Variants in AHR observed in about 807,000 individuals in gnomAD.
AHR encodes the protein AH-receptor.
Under a neutral mutation model 86.8 loss-of-function variants are expected in AHR, and 40 were observed. That is an observed-to-expected ratio of 0.46 (90% CI 0.36 to 0.60). The LOEUF (loss-of-function observed/expected upper bound fraction) is 0.60, where lower values mean the gene tolerates loss of function less well. AHR is among the 20% of genes least tolerant of loss of function. The probability of loss-of-function intolerance (pLI) is 0.00; values close to 1 mark genes in which losing one functional copy is unlikely to be tolerated. For missense variants in AHR, 1,001 were observed against 1,011.6 expected (o/e 0.99, Z 0.14); for synonymous variants, 398 against 354.9 (o/e 1.12, Z -1.37).
In AHR at chr7:17,344,536, T is replaced by C. The variant is rs1475810976; in HGVS notation, c.*1472T>C. 1.3e-5 allele frequency: 2 copies of C among 152,600 alleles called. No individual in the cohort carries two copies. The highest frequency in any genetic ancestry group is 2.4e-5 in the African/African-American group (1 of 41,412). The allele number at this position is 152,600 out of a possible 1,614,324, so 9.5% of individuals were successfully genotyped here. A position where few individuals can be genotyped will look rare whatever the true frequency, so the allele number is the denominator to read the frequency against. ...CAAACTTTAGGTTTTTTTAATGATA[T>C]ACTGATCTTCATTACCAATAGGCAA... On this transcript the variant is annotated 3_prime_UTR_variant, in exon 11 of 11. Transcript: ENST00000242057.
Position 17,337,636 on chromosome 7 carries a change from G to A in AHR, c.1161-1350G>A, listed in dbSNP as rs570860528. Among the ~76,000 whole-genome samples, 1,079 of 151,428 alleles carry A rather than the reference G, an allele frequency of 7.1e-3. 8 individuals are homozygous for A. The highest frequency in any genetic ancestry group is 0.011 in the African/African-American group (447 of 41,368). On this transcript the variant is annotated intron_variant, in intron 9 of 10. Transcript: ENST00000242057. Reference sequence around the variant, plus strand: ...ACTACAGGCGCCCGCCACTACGCCCGGCTAATTTTTTTGTATTTTTAGTAG... The same window carrying A: ...ACTACAGGCGCCCGCCACTACGCCCAGCTAATTTTTTTGTATTTTTAGTAG...
In AHR at chr7:17,334,935, C is replaced by T. The variant is rs1477678119; in HGVS notation, c.957C>T (p.Gly319=). 1.2e-6 allele frequency: 2 copies of T among 1,613,106 alleles called. No homozygotes were observed. Among genetic ancestry groups the T allele is most frequent in the African/African-American group, 2.7e-5 (2 of 74,864 alleles). ...GYTEAELCTR[G]SGYQFIHAAD... ...CTGAAGCAGAGCTGTGCACGAGAGGCTCAGGTTATCAGTTTATTCATGCAG... is the reference window on the plus strand; with the variant it reads ...CTGAAGCAGAGCTGTGCACGAGAGGTTCAGGTTATCAGTTTATTCATGCAG... Residue 319 remains glycine, a synonymous_variant, in exon 8 of 11, where the codon GGC becomes GGT. Transcript: ENST00000242057.
At chr7:17,331,357 C>A (rs137871911) in intron 6 of AHR, among the ~76,000 whole-genome samples, 66 of 151,998 alleles carry the variant, frequency 4.3e-4, no homozygotes, top group African/African-American at 1.5e-3. Flanking sequence ...CTTTAAAAAT[C>A]TGCTACCAAA....
At chr7:17,308,630 C>T (rs1172505325) in intron 1 of AHR, among the ~76,000 whole-genome samples, 1 of 151,676 alleles carries the variant, frequency 6.6e-6, no homozygotes, top group Admixed American at 6.6e-5. Flanking sequence ...CTAGGGGAAC[C>T]ATCACCAATT....
chr7:17,305,257 G>T (rs751972084), intron 1 of AHR, among the ~76,000 whole-genome samples: 1 of 152,122 alleles, frequency 6.6e-6, no homozygotes, highest in African/African-American at 2.4e-5. Flanking sequence ...AATGAAGTTG[G>T]GGTCTATTTG....
Position 17,310,086 on chromosome 7 carries a change from C to G in AHR, c.216C>G (p.Leu72=). 6 of 1,613,878 alleles carry G rather than the reference C, an allele frequency of 3.7e-6. No individual in the cohort carries two copies. The highest frequency in any genetic ancestry group is 5.1e-6 in the Non-Finnish European group (6 of 1,179,852). ...TGGACAAACTTTCAGTTCTTAGGCT[C>G]AGCGTCAGTTACCTGAGAGCCAAGA... ...NKLDKLSVLR[L]SVSYLRAKSF... is the part of the protein sequence containing the mutation. The change falls in exon 2 of 11, where the codon CTC becomes CTG. Residue 72 remains leucine (L), a synonymous_variant. Transcript: ENST00000242057.
At position 17,333,902 on chromosome 7, in the gene AHR, C is replaced by T. The variant is rs1782327567; in HGVS notation, c.706-10C>T. Reference sequence around the variant, plus strand: ...TTAATGAACTTTTTTGTTGTTGTTGCTTTTTTAAGGCAATGAATTTCCAAG... The same window carrying T: ...TTAATGAACTTTTTTGTTGTTGTTGTTTTTTTAAGGCAATGAATTTCCAAG... On this transcript the variant is annotated splice_polypyrimidine_tract_variant and intron_variant, in intron 6 of 10. Coordinates refer to ENST00000242057, the MANE Select transcript of AHR (RefSeq NM_001621.5). 1 of 1,609,708 alleles carries T rather than the reference C, an allele frequency of 6.2e-7. No individual in the cohort carries two copies. The highest frequency in any genetic ancestry group is 1.7e-5 in the Admixed American group (1 of 59,474).
chr7:17,332,475 A>AG (rs1782306665), intron 6 of AHR, among the ~76,000 whole-genome samples: 2 of 151,868 alleles, frequency 1.3e-5, no homozygotes, highest in Non-Finnish European at 2.9e-5. Flanking sequence ...TAGAGGTGGA[A>AG]GATAGGATCA....
At chr7:17,307,983 C>G (rs1350703657) in intron 1 of AHR, among the ~76,000 whole-genome samples, 1 of 152,146 alleles carries the variant, frequency 6.6e-6, no homozygotes, top group Non-Finnish European at 1.5e-5. Flanking sequence ...CTGTCCAAAC[C>G]AGCATCACGT....
chr7:17,339,830 C>T lies in AHR; in HGVS notation c.2005C>T (p.Pro669Ser). The change falls in exon 10 of 11, where the codon CCA becomes TCA. Residue 669 changes from proline to serine, a missense_variant. By Grantham distance (74) the Pro-to-Ser change is moderately conservative (BLOSUM62 -1). Around this residue, in one of 2 missense-constraint regions of AHR, gnomAD observed 607 missense variants for 543.1 expected, o/e 1.12. Coordinates refer to ENST00000242057, the MANE Select transcript of AHR (RefSeq NM_001621.5). ...FVPFNCPQQD[P>S]QQYNVFTDLH... The stretch of plus-strand genomic sequence containing the variant: ...GCCTTTCAATTGTCCACAGCAAGAC[C>T]CACAACAATATAATGTCTTTACAGA... 1 of 1,614,164 alleles carries T rather than the reference C, an allele frequency of 6.2e-7. No individual in the cohort carries two copies. Among genetic ancestry groups the T allele is most frequent in the Non-Finnish European group, 8.5e-7 (1 of 1,180,034 alleles).
intron 6 of AHR, among the ~76,000 whole-genome samples, chr7:17,331,776 C>T (rs1782298144): frequency 6.6e-6 from 1 of 151,940 alleles, no homozygotes. Flanking sequence ...TGTCTGTTAT[C>T]TCATTGTATC....
In AHR at chr7:17,345,506, A is replaced by G. The variant is rs993569534; in HGVS notation, c.*2442A>G. 6 of 152,642 alleles carry G rather than the reference A, an allele frequency of 3.9e-5. No homozygotes were observed. The highest frequency in any genetic ancestry group is 8.8e-5 in the Non-Finnish European group (6 of 68,016). The allele number at this position is 152,642 out of a possible 1,614,324, so 9.5% of individuals were successfully genotyped here. ...AATTTGTTTCCAGCATGAGGTATCT[A>G]AGGATTTAGACCAGAGGTCTAGATT... On this transcript the variant is annotated 3_prime_UTR_variant, in exon 11 of 11. Transcript: ENST00000242057.
Position 17,332,837 on chromosome 7 carries a change from T to C in AHR, c.706-1075T>C, listed in dbSNP as rs1782314791. On this transcript the variant is annotated intron_variant, in intron 6 of 10. Transcript: ENST00000242057. The stretch of plus-strand genomic sequence containing the variant: ...TTATAAACTCTATAGTAGTGTACGG[T>C]AATGTCTCAGGCCTTCACATTCACT... 7.2e-5 allele frequency among the ~76,000 whole-genome samples: 11 copies of C among 152,102 alleles called. No individual in the cohort carries two copies. In the South Asian group the frequency reaches 2.3e-3, roughly 32 times the overall value.
intron 1 of AHR, among the ~76,000 whole-genome samples, chr7:17,305,936 G>T (rs1782001223): frequency 6.6e-6 from 1 of 152,108 alleles, no homozygotes; most frequent in Non-Finnish European, 1.5e-5. Flanking sequence ...GTTAAAGCTT[G>T]CAGGGCTTCT....
chr7:17,307,962 A>C (rs1376442037), intron 1 of AHR, among the ~76,000 whole-genome samples: 1 of 152,022 alleles, frequency 6.6e-6, no homozygotes, highest in African/African-American at 2.4e-5. Flanking sequence ...CATCAGAGAG[A>C]CCTTCCTAGG....
chr7:17,334,711 G>T (rs1334472773), intron 7 of AHR, among the ~76,000 whole-genome samples, 176 bp from the exon 8 acceptor site: 1 of 151,906 alleles, frequency 6.6e-6, no homozygotes, highest in Admixed American at 6.6e-5. Context: ...GCAATCATAA[G>T]CAAAGAAGAT....
intron 1 of AHR, among the ~76,000 whole-genome samples, chr7:17,304,001 G>C (rs1048919638): frequency 1.3e-4 from 20 of 152,068 alleles, no homozygotes; most frequent in African/African-American, 4.3e-4. Flanking sequence ...AGAAGCACTT[G>C]TATTTGCAGA....
rs182597492 is a variant in AHR, at chr7:17,313,408, G to A, written c.253+3285G>A. Among the ~76,000 whole-genome samples, 3 of 152,130 alleles carry A rather than the reference G, an allele frequency of 2.0e-5. No homozygotes were observed. The East Asian group carries it at 5.8e-4, about 29-fold the overall frequency. On this transcript the variant is annotated intron_variant, in intron 2 of 10. Coordinates refer to ENST00000242057, the MANE Select transcript of AHR (RefSeq NM_001621.5). ...AAACAGGGGGTGTGTAAATTCCTGC[G>A]GAAAGAACAATATAAACGAGTAATC... is the stretch of plus-strand genomic sequence containing the variant.
chr7:17,322,672 G>C lies in AHR; in HGVS notation c.360+65G>C, dbSNP rs1200500675. ...TTGTAAATGGAAAATGAATTAATAAGTCTTTTAGTAATTCCCTGTTTACTT... is the reference window on the plus strand; with the variant it reads ...TTGTAAATGGAAAATGAATTAATAACTCTTTTAGTAATTCCCTGTTTACTT... On this transcript the variant is annotated intron_variant, in intron 3 of 10. Coordinates refer to ENST00000242057, the MANE Select transcript of AHR (RefSeq NM_001621.5). 6 of 1,067,202 alleles carry C rather than the reference G, an allele frequency of 5.6e-6. No homozygotes were observed. In the East Asian group the frequency reaches 7.7e-5, roughly 14 times the overall value. 66.1% of individuals were successfully genotyped at this position (1,067,202 alleles called of 1,614,324 possible). A position where few individuals can be genotyped will look rare whatever the true frequency, so the allele number is the denominator to read the frequency against.
Sources: gnomAD v4.1 joint callset for allele counts (sites outside exome capture counted in the v4.1 genomes callset) on GRCh38, gnomAD v4.1.1 for gene constraint, gnomAD v4.1.1 regional missense constraint, MANE v1.5 for transcripts, NCBI Gene and HGNC (gene_info 2026-07-23, HGNC 2026-07-21) for gene names.